The following CAPSL variants were observed in gnomAD, a reference collection of about 807,000 sequenced individuals.
CAPSL encodes calcyphosin-like protein.
In CAPSL, 17 loss-of-function variants were observed where a neutral mutation model predicts 21.3. That is an observed-to-expected ratio of 0.80 (90% CI 0.55 to 1.20). CAPSL has a LOEUF of 1.20. Among genes scored for constraint, CAPSL ranks in the 50% most tolerant of loss-of-function variants. CAPSL has a pLI of 0.00. For synonymous variants in CAPSL, 102 were observed against 89.3 expected (o/e 1.14, Z -0.80); for missense variants, 289 against 259.3 (o/e 1.11, Z -0.79).
intron 2 of CAPSL, among the ~76,000 whole-genome samples, chr5:35,916,998 T>A (rs190343075): frequency 6.6e-6 from 1 of 151,928 alleles, no homozygotes; most frequent in Non-Finnish European, 1.5e-5. Context: ...GAATCTACAA[T>A]GAACTCAAAC....
chr5:35,916,689 C>T (rs949005213), intron 2 of CAPSL, among the ~76,000 whole-genome samples: 3 of 152,192 alleles, frequency 2.0e-5, no homozygotes, highest in African/African-American at 7.2e-5. Flanking sequence ...TGGATCCCTT[C>T]CTTACACCTT....
chr5:35,906,142 GA>G (rs1454942053), intron 4 of CAPSL, among the ~76,000 whole-genome samples: 1 of 152,138 alleles, frequency 6.6e-6, no homozygotes, highest in Non-Finnish European at 1.5e-5. Flanking sequence ...ATGACAGTTT[GA>G]GGAACATTTT....
At chr5:35,919,184 TATATATAA>T (rs1364606689) in intron 2 of CAPSL, among the ~76,000 whole-genome samples, 3 of 145,618 alleles carry the variant, frequency 2.1e-5, no homozygotes, top group African/African-American at 7.5e-5. Flanking sequence ...TATATATATA[TATATATAA>T]AAATTGTGAA....
intron 1 of CAPSL, among the ~76,000 whole-genome samples, chr5:35,923,549 G>C (rs114899006): frequency 0.012 from 1,768 of 152,330 alleles, 42 homozygotes; most frequent in African/African-American, 0.041. Context: ...TAGCCATACA[G>C]TGAAACATTC....
At position 35,932,648 on chromosome 5, in the gene CAPSL, T is replaced by C. The variant is rs544341815; in HGVS notation, c.-1+5893A>G. Among the ~76,000 whole-genome samples, 14 of 152,330 alleles carry C rather than the reference T, an allele frequency of 9.2e-5. No homozygotes were observed. In the East Asian group the frequency reaches 2.5e-3, roughly 27 times the overall value. ...AGGCACCTTACAGTTTCTGCCTCAG[T>C]TGGCAGAAGAAATATTGTTATTCCA... On this transcript the variant is annotated intron_variant, in intron 1 of 4. Coordinates refer to ENST00000651391, the MANE Select transcript of CAPSL (RefSeq NM_001042625.2).
rs1040352911 is a variant in CAPSL at position 35,916,442 on chromosome 5, A to C, written c.137+4542T>G. 5.3e-5 allele frequency among the ~76,000 whole-genome samples: 8 copies of C among 152,146 alleles called. 1 individual carries two copies. The highest frequency in any genetic ancestry group is 1.0e-4 in the Non-Finnish European group (7 of 68,028). Reference sequence around the variant, plus strand: ...AGACAAAAGAAAAAGCTGGAGGCATAACGCTACCTGACTTCAAACTATACT... The same window carrying C: ...AGACAAAAGAAAAAGCTGGAGGCATCACGCTACCTGACTTCAAACTATACT... On this transcript the variant is annotated intron_variant, in intron 2 of 4. Coordinates refer to ENST00000651391, the MANE Select transcript of CAPSL (RefSeq NM_001042625.2).
chr5:35,920,183 G>C (rs1471817893), intron 2 of CAPSL, among the ~76,000 whole-genome samples: 2 of 152,006 alleles, frequency 1.3e-5, no homozygotes, highest in Non-Finnish European at 2.9e-5. Context: ...GCATCTTCTG[G>C]GTCCAAGGCT....
At chr5:35,919,923 G>A (rs1449695525) in intron 2 of CAPSL, among the ~76,000 whole-genome samples, 1 of 152,130 alleles carries the variant, frequency 6.6e-6, no homozygotes, top group African/African-American at 2.4e-5. Context: ...CCAGAGAGTG[G>A]AAGAGAGGAT....
chr5:35,922,825 C>A (rs1450756433), intron 1 of CAPSL, among the ~76,000 whole-genome samples: 2 of 152,192 alleles, frequency 1.3e-5, no homozygotes, highest in Non-Finnish European at 2.9e-5. Context: ...AGCTTCAGCA[C>A]TAACTGTCCC....
In CAPSL at chr5:35,910,452, T is replaced by C; in HGVS notation, c.229A>G (p.Lys77Glu). The C allele has an allele frequency of 6.2e-7, 1 of 1,613,850 alleles. No individual in the cohort carries two copies. Among genetic ancestry groups the C allele is most frequent in the South Asian group, 1.1e-5 (1 of 91,068 alleles). The change falls in exon 3 of 5, where the codon AAA becomes GAA. Residue 77 changes from lysine (K) to glutamate (E), a missense_variant. Transcript: ENST00000651391. Reference protein sequence around the residue: ...GLNDYAVVMEKEEVEELFRRF... With the variant: ...GLNDYAVVMEEEEVEELFRRF... ...CGGAAAAGTTCTTCCACCTCTTCTT[T>C]TTCCATGACCACAGCATAATCATTT...
intron 1 of CAPSL, among the ~76,000 whole-genome samples, chr5:35,926,811 A>C (rs187269173): frequency 2.0e-5 from 3 of 152,310 alleles, no homozygotes; most frequent in Admixed American, 2.0e-4. Flanking sequence ...TCTTTGTTGC[A>C]AAATCCAATG....
At chr5:35,911,981 C>T (rs566809362) in intron 2 of CAPSL, among the ~76,000 whole-genome samples, 47 of 152,248 alleles carry the variant, frequency 3.1e-4, no homozygotes, top group African/African-American at 9.1e-4. Context: ...GGGTGACAGA[C>T]GGCACCTGGA....
At chr5:35,921,586 C>T (rs1233733419) in intron 1 of CAPSL, among the ~76,000 whole-genome samples, 3 of 152,108 alleles carry the variant, frequency 2.0e-5, no homozygotes, top group African/African-American at 7.2e-5. Flanking sequence ...ATGATTCTTA[C>T]CAGTAATGGG....
Position 35,904,640 on chromosome 5 carries a change from G to T in CAPSL, c.532C>A (p.Pro178Thr). The change falls in exon 5 of 5, where the codon CCT becomes ACT. Residue 178 changes from proline to threonine, a missense_variant. Transcript: ENST00000651391. ...SPYDKDGLVT[P>T]EEFMNYYAGV... is the part of the protein sequence containing the mutation. The stretch of plus-strand genomic sequence containing the variant: ...GCATAGTAGTTCATGAACTCCTCAG[G>T]GGTCACCTGCAGTGGAAAAGTTAGA... 1 of 1,613,124 alleles carries T rather than the reference G, an allele frequency of 6.2e-7. No individual in the cohort carries two copies. The highest frequency in any genetic ancestry group is 8.5e-7 in the Non-Finnish European group (1 of 1,179,780).
intron 2 of CAPSL, among the ~76,000 whole-genome samples, chr5:35,914,622 CGAAAT>C (rs1420250526): frequency 2.0e-5 from 3 of 151,868 alleles, no homozygotes; most frequent in Non-Finnish European, 4.4e-5. Flanking sequence ...GGGTACATAA[CGAAAT>C]GAAGGCAGAA....
intron 4 of CAPSL, among the ~76,000 whole-genome samples, chr5:35,905,995 A>C (rs1445835295): frequency 6.6e-6 from 1 of 152,228 alleles, no homozygotes; most frequent in Non-Finnish European, 1.5e-5. Flanking sequence ...GATAATTAAG[A>C]TAAAGTCTCA....
At chr5:35,919,170 A>ATTATATAT (rs1554069748) in intron 2 of CAPSL, among the ~76,000 whole-genome samples, 4 of 121,268 alleles carry the variant, frequency 3.3e-5, no homozygotes, top group African/African-American at 1.2e-4. Flanking sequence ...TAAAAAAAAA[A>ATTATATAT]ATATATATAT....
At chr5:35,905,506 C>T (rs1323558276) in intron 4 of CAPSL, among the ~76,000 whole-genome samples, 1 of 152,170 alleles carries the variant, frequency 6.6e-6, no homozygotes, top group African/African-American at 2.4e-5. Flanking sequence ...TTTCATACCA[C>T]CCCTTCCCAC....
chr5:35,912,915 A>C (rs1049312921), intron 2 of CAPSL, among the ~76,000 whole-genome samples: 1 of 152,204 alleles, frequency 6.6e-6, no homozygotes, highest in African/African-American at 2.4e-5. Context: ...TACTTGAGCT[A>C]AAGGAGGAAG....
Sources: gnomAD v4.1 joint callset for allele counts (sites outside exome capture counted in the v4.1 genomes callset) on GRCh38, gnomAD v4.1.1 for gene constraint, MANE v1.5 for transcripts, NCBI Gene and HGNC (gene_info 2026-07-23, HGNC 2026-07-21) for gene names.